CRTC1: variants seen among roughly 807,000 people sequenced by gnomAD.
CRTC1 encodes the protein CREB-regulated transcription coactivator 1.
CRTC1 carries 18 observed loss-of-function variants against 66.1 expected under a neutral mutation model. The ratio of observed to expected loss-of-function variants is 0.27; its 90% CI spans 0.19 to 0.40. The LOEUF (loss-of-function observed/expected upper bound fraction) is 0.40. Ranked by LOEUF, CRTC1 falls within the 10% of genes least tolerant of loss-of-function variation. The probability of loss-of-function intolerance (pLI) is 1.00; values close to 1 mark genes in which losing one functional copy is unlikely to be tolerated. For synonymous variants in CRTC1, 416 were observed against 398.8 expected (o/e 1.04, Z -0.51); for missense variants, 669 against 887.9 (o/e 0.75, Z 3.13).
chr19:18,750,669 C>T (rs34960453), intron 5 of CRTC1, among the ~76,000 whole-genome samples: 2,338 of 152,292 alleles, frequency 0.015, 24 homozygotes, highest in Non-Finnish European at 0.024. Flanking sequence ...TGCCGTTCAC[C>T]GAGTGGGTGG....
At chr19:18,764,797 G>A (rs1208720850) in intron 8 of CRTC1, among the ~76,000 whole-genome samples, 1 of 152,198 alleles carries the variant, frequency 6.6e-6, no homozygotes, top group Non-Finnish European at 1.5e-5. Flanking sequence ...AGGTCTGGGG[G>A]CCAAGAGAAG....
intron 1 of CRTC1, among the ~76,000 whole-genome samples, chr19:18,684,749 A>G (rs2145437515): frequency 6.6e-6 from 1 of 152,260 alleles, no homozygotes; most frequent in Non-Finnish European, 1.5e-5. Context: ...GGGGCAGGCC[A>G]GGTTCTGCCA....
chr19:18,703,144 G>A (rs1325002176), intron 1 of CRTC1, among the ~76,000 whole-genome samples: 1 of 152,070 alleles, frequency 6.6e-6, no homozygotes, highest in African/African-American at 2.4e-5. Context: ...CACCACGCCC[G>A]GCTAATTTTT....
At chr19:18,712,709 C>T (rs1317361646) in intron 1 of CRTC1, among the ~76,000 whole-genome samples, 1 of 152,010 alleles carries the variant, frequency 6.6e-6, no homozygotes, top group Non-Finnish European at 1.5e-5. Flanking sequence ...CCTATAATCC[C>T]AACGCTTTGG....
rs35032428 is a variant in CRTC1 at position 18,687,011 on chromosome 19, C to CTTT, written c.126+3203_126+3205dup. On this transcript the variant is annotated intron_variant, in intron 1 of 13. Coordinates refer to ENST00000321949, the MANE Select transcript of CRTC1 (RefSeq NM_015321.3). The stretch of plus-strand genomic sequence containing the variant: ...TGTCGGCAGTGCCAAGACTGAGAAA[C>CTTT]TTTTTTTTTTTTTTTTTTTTTTGAG... Among the ~76,000 whole-genome samples, 522 of 103,346 alleles carry CTTT rather than the reference C, an allele frequency of 5.1e-3. 14 individuals carry two copies. The highest frequency in any genetic ancestry group is 1.0e-2 in the East Asian group (33 of 3,308). The allele number at this position is 103,346 out of a possible 152,430, so 67.8% of individuals were successfully genotyped here.
chr19:18,756,268 G>C (rs1327629210), intron 6 of CRTC1, among the ~76,000 whole-genome samples: 2 of 147,700 alleles, frequency 1.4e-5, no homozygotes, highest in Non-Finnish European at 1.5e-5. Context: ...GGGAGGCAGA[G>C]GTTGCAGTGA....
intron 3 of CRTC1, 78 bp from the exon 4 acceptor site, chr19:18,746,975 G>A: frequency 7.0e-7 from 1 of 1,428,416 alleles, no homozygotes. Context: ...GCCAGCCGGG[G>A]CTTCCTGCCC....
rs770239519 is a variant in CRTC1 at position 18,765,497 on chromosome 19, C to A, written c.980C>A (p.Pro327His). The change falls in exon 9 of 14, where the codon CCC (proline) becomes CAC (histidine). Residue 327 changes from proline to histidine, a missense_variant. This residue lies in a region of CRTC1 where 241 missense variants were observed against 242.2 expected (regional missense o/e 0.99). Coordinates refer to ENST00000321949, the MANE Select transcript of CRTC1 (RefSeq NM_015321.3). ...GAGGCAAGGCGTCAGCAGGCATCGC[C>A]CACCCTGTCCCCGCTGTCACCCATC... ...STEARRQQAS[P>H]TLSPLSPITQ... 7 of 1,609,388 alleles carry A rather than the reference C, an allele frequency of 4.3e-6. No individual in the cohort carries two copies. The highest frequency in any genetic ancestry group is 5.9e-6 in the Non-Finnish European group (7 of 1,179,562).
intron 8 of CRTC1, among the ~76,000 whole-genome samples, chr19:18,761,138 C>CCCCTGCCCTG (rs200083166): frequency 6.6e-6 from 1 of 152,230 alleles, no homozygotes; most frequent in Non-Finnish European, 1.5e-5. Flanking sequence ...CTCCCTCCCT[C>CCCCTGCCCTG]CCCTGCCCTG....
At chr19:18,745,341 A>G (rs2054206871) in intron 2 of CRTC1, among the ~76,000 whole-genome samples, 1 of 152,192 alleles carries the variant, frequency 6.6e-6, no homozygotes, top group Admixed American at 6.5e-5. Flanking sequence ...GCGCTTGGCC[A>G]GGTGGGCCCC....
At chr19:18,744,042 C>T (rs2054172353) in intron 2 of CRTC1, 11 of 1,567,922 alleles carry the variant, frequency 7.0e-6, no homozygotes, top group Admixed American at 6.8e-5. Flanking sequence ...GGAGGTCCCA[C>T]GCATCCCGCC....
At chr19:18,720,064 C>A (rs1171690636) in intron 1 of CRTC1, among the ~76,000 whole-genome samples, 1 of 152,194 alleles carries the variant, frequency 6.6e-6, no homozygotes, top group Non-Finnish European at 1.5e-5. Flanking sequence ...AGGATCTGTT[C>A]CCCCAGCTAC....
At position 18,781,421 on chromosome 19, in the gene CRTC1, A is replaced by G; in HGVS notation, c.*4039A>G. The G allele has an allele frequency of 4.3e-6, 1 of 230,354 alleles. No individual in the cohort carries two copies. The highest frequency in any genetic ancestry group is 6.1e-5 in the East Asian group (1 of 16,270). The allele number at this position is 230,354 out of a possible 1,614,324, so 14.3% of individuals were successfully genotyped here. A position where few individuals can be genotyped will look rare whatever the true frequency, so the allele number is the denominator to read the frequency against. On this transcript the variant is annotated 3_prime_UTR_variant, in exon 14 of 14. Coordinates refer to ENST00000321949, the MANE Select transcript of CRTC1 (RefSeq NM_015321.3). Reference sequence around the variant, plus strand: ...GGGGTCCCTGGGACATTCTCCCGTCAGCTCCACCTGAGCCAAGTGTCCTGT... The same window carrying G: ...GGGGTCCCTGGGACATTCTCCCGTCGGCTCCACCTGAGCCAAGTGTCCTGT...
At chr19:18,759,890 C>G (rs781489621) in intron 7 of CRTC1, 118 bp from the exon 8 acceptor site, 4 of 847,826 alleles carry the variant, frequency 4.7e-6, no homozygotes, top group Admixed American at 2.3e-5. Context: ...CCCAAGCACA[C>G]GGCACCTGAT....
rs1004888596 is a variant in CRTC1 at position 18,777,647 on chromosome 19, C to T, written c.*265C>T. On this transcript the variant is annotated 3_prime_UTR_variant, in exon 14 of 14. Coordinates refer to ENST00000321949, the MANE Select transcript of CRTC1 (RefSeq NM_015321.3). This position sits in a 1 kb window ranked among gnomAD's most constrained non-coding sequence, Gnocchi z 5.5. ...AGCCTCCCGCCCCTGCAGACCCTCC[C>T]TGCACTGGCTCCCTCGCCCCCAGCC... The T allele has an allele frequency of 2.1e-6, 1 of 481,226 alleles. No homozygotes were observed. Among genetic ancestry groups the T allele is most frequent in the Non-Finnish European group, 3.7e-6 (1 of 271,134 alleles). The allele number at this position is 481,226 out of a possible 1,614,324, so 29.8% of individuals were successfully genotyped here. A position where few individuals can be genotyped will look rare whatever the true frequency, so the allele number is the denominator to read the frequency against.
Position 18,775,802 on chromosome 19 carries a change from C to A in CRTC1, c.1674C>A (p.Ile558=), listed in dbSNP as rs774241467. ...TGGGATACGCCAGCCACAGTGGCAT[C>A]CCCAACATCATCCTCACAGGTGAGG... The part of the protein sequence containing the change: ...QQLGYASHSG[I]PNIILTVTGE... Residue 558 remains isoleucine, a synonymous_variant, in exon 13 of 14, where the codon ATC becomes ATA. Coordinates refer to ENST00000321949, the MANE Select transcript of CRTC1 (RefSeq NM_015321.3). 6.2e-7 allele frequency: 1 copy of A among 1,605,678 alleles called. No individual in the cohort carries two copies. The highest frequency in any genetic ancestry group is 2.2e-5 in the East Asian group (1 of 44,814).
intron 13 of CRTC1, 109 bp downstream of exon 13, chr19:18,775,930 G>T (rs1251475521): frequency 1.3e-5 from 16 of 1,228,718 alleles, no homozygotes; most frequent in Non-Finnish European, 1.8e-5. Context: ...GGCCGGGGTT[G>T]TGACCCAAGC....
intron 4 of CRTC1, among the ~76,000 whole-genome samples, chr19:18,748,147 A>C (rs375037625): frequency 6.6e-6 from 1 of 152,316 alleles, no homozygotes; most frequent in Non-Finnish European, 1.5e-5. Context: ...TTGTACAACA[A>C]TGTGAATGTA....
At chr19:18,744,097 T>C (rs2054173626) in intron 2 of CRTC1, 1 of 1,613,108 alleles carries the variant, frequency 6.2e-7, no homozygotes, top group Non-Finnish European at 8.5e-7. Context: ...CTCGGTTCTT[T>C]GCATTTTCAG....
Sources: gnomAD v4.1 joint callset for allele counts (sites outside exome capture counted in the v4.1 genomes callset) on GRCh38, gnomAD v4.1.1 for gene constraint, gnomAD v4.1.1 regional missense constraint, Gnocchi (gnomAD v3.1) non-coding constraint, MANE v1.5 for transcripts, NCBI Gene and HGNC (gene_info 2026-07-23, HGNC 2026-07-21) for gene names.